Variants in SHROOM2 observed in about 807,000 individuals in gnomAD.
SHROOM2 encodes the protein shroom family member 2.
In SHROOM2, 33 loss-of-function variants were observed where a neutral mutation model predicts 75.9. The observed-to-expected ratio is 0.43, with a 90% confidence interval of 0.33 to 0.58. SHROOM2 has a LOEUF of 0.58. SHROOM2 is among the 20% of genes least tolerant of loss of function. The probability of loss-of-function intolerance (pLI) is 0.04; values close to 1 mark genes in which losing one functional copy is unlikely to be tolerated. For missense variants in SHROOM2, 1,434 were observed against 1,461.2 expected (o/e 0.98, Z 0.30); for synonymous variants, 655 against 663.6 (o/e 0.99, Z 0.20).
intron 1 of SHROOM2, among the ~76,000 whole-genome samples, chrX:9,820,101 C>T (rs1254617887): frequency 1.2e-5 from 1 of 84,492 alleles, no homozygotes; most frequent in East Asian, 3.9e-4. Flanking sequence ...GTGCCTGGCT[C>T]CCTCCACCTT....
chrX:9,896,718 C>T lies in SHROOM2; in HGVS notation c.2790+20C>T. The T allele has an allele frequency of 1.8e-6, 2 of 1,142,265 alleles. No homozygotes were observed. The highest frequency in any genetic ancestry group is 3.2e-5 in the East Asian group (1 of 31,465). The allele number at this position is 1,142,265 out of a possible 1,213,427, so 94.1% of individuals were successfully genotyped here. On this transcript the variant is annotated intron_variant, in intron 4 of 9. Coordinates refer to ENST00000380913, the MANE Select transcript of SHROOM2 (RefSeq NM_001649.4). ...AAGCAGGTAAGCATGGAGCCACAGC[C>T]CCCTTGACCATCATCTTAACCCAAG...
intron 5 of SHROOM2, among the ~76,000 whole-genome samples, chrX:9,901,616 G>A (rs1343235681): frequency 8.9e-6 from 1 of 111,988 alleles, no homozygotes; most frequent in African/African-American, 3.2e-5. Context: ...TGCAACTGAA[G>A]GCTGACAGCT....
chrX:9,841,510 G>A (rs777921879), intron 1 of SHROOM2, among the ~76,000 whole-genome samples: 2 of 111,460 alleles, frequency 1.8e-5, no homozygotes, highest in Non-Finnish European at 3.8e-5. Flanking sequence ...TGGAAGAGGT[G>A]GTAGAATCAC....
In SHROOM2 at chrX:9,946,892, G is replaced by A; in HGVS notation, c.4806G>A (p.Gln1602=). Residue 1602 remains glutamine (Q), a synonymous_variant, in exon 10 of 10, where the codon CAG becomes CAA. Coordinates refer to ENST00000380913, the MANE Select transcript of SHROOM2 (RefSeq NM_001649.4). Reference sequence around the variant, plus strand: ...ATAAAATCCACCTTGGTGAAGAGCAGCTGAAGTGCTTATTGGACAGCCTTC... The same window carrying A: ...ATAAAATCCACCTTGGTGAAGAGCAACTGAAGTGCTTATTGGACAGCCTTC... The part of the protein sequence containing the change: ...LEDKIHLGEE[Q]LKCLLDSLQP... 1.7e-6 allele frequency: 2 copies of A among 1,197,131 alleles called. No homozygotes were observed. Among genetic ancestry groups the A allele is most frequent in the Non-Finnish European group, 2.3e-6 (2 of 887,645 alleles).
intron 6 of SHROOM2, among the ~76,000 whole-genome samples, chrX:9,933,238 C>G (rs1326375313): frequency 9.0e-6 from 1 of 110,676 alleles, no homozygotes; most frequent in Non-Finnish European, 1.9e-5. Context: ...TGATTGGAAT[C>G]GAGTTTAACC....
At chrX:9,933,425 A>G (rs1021778911) in intron 6 of SHROOM2, among the ~76,000 whole-genome samples, 1 of 111,240 alleles carries the variant, frequency 9.0e-6, no homozygotes, top group Non-Finnish European at 1.9e-5. Flanking sequence ...TCAGGCATGG[A>G]ATTATTGCGT....
At chrX:9,797,491 A>G (rs1393184921) in intron 1 of SHROOM2, among the ~76,000 whole-genome samples, 1 of 112,775 alleles carries the variant, frequency 8.9e-6, no homozygotes, top group Non-Finnish European at 1.9e-5. Context: ...ACCCAGCTTT[A>G]AGAGGCGGAA....
intron 5 of SHROOM2, among the ~76,000 whole-genome samples, chrX:9,904,347 C>T (rs2084380265): frequency 9.0e-6 from 1 of 111,214 alleles, no homozygotes; most frequent in African/African-American, 3.3e-5. Flanking sequence ...TAGCAATACT[C>T]TATCTCTACA....
Position 9,896,567 on chromosome X carries a change from C to T in SHROOM2, c.2659C>T (p.Leu887=). The T allele has an allele frequency of 1.7e-6, 2 of 1,210,886 alleles. No individual in the cohort carries two copies. The highest frequency in any genetic ancestry group is 3.5e-5 in the South Asian group (2 of 56,814). ...QASWKEQRKP[L]EARSSGRCHS... ...CTCTTGGAAGGAACAGAGGAAACCT[C>T]TGGAGGCCAGGAGCTCTGGGCGCTG... is the stretch of plus-strand genomic sequence containing the variant. The change falls in exon 4 of 10, where the codon CTG becomes TTG. Residue 887 remains leucine, a synonymous_variant. Coordinates refer to ENST00000380913, the MANE Select transcript of SHROOM2 (RefSeq NM_001649.4).
chrX:9,809,722 G>T (rs1410408780), intron 1 of SHROOM2, among the ~76,000 whole-genome samples: 1 of 112,686 alleles, frequency 8.9e-6, no homozygotes, highest in Non-Finnish European at 1.9e-5. Context: ...AGGCTGGAGT[G>T]CAGTGGCACG....
chrX:9,905,123 G>A (rs2084384804), intron 5 of SHROOM2, among the ~76,000 whole-genome samples: 1 of 112,222 alleles, frequency 8.9e-6, no homozygotes, highest in African/African-American at 3.2e-5. Context: ...TCAGAGTGCT[G>A]GGATTACAAG....
At chrX:9,822,198 G>A (rs1231506766) in intron 1 of SHROOM2, among the ~76,000 whole-genome samples, 1 of 111,385 alleles carries the variant, frequency 9.0e-6, no homozygotes, top group Non-Finnish European at 1.9e-5. Context: ...CCTCTGAGTG[G>A]GTGAACCCCG....
chrX:9,883,297 G>A (rs2084242155), intron 2 of SHROOM2, among the ~76,000 whole-genome samples: 1 of 111,896 alleles, frequency 8.9e-6, no homozygotes, highest in African/African-American at 3.3e-5. Flanking sequence ...AGTTTTGAGA[G>A]GCAGATATAA....
intron 1 of SHROOM2, among the ~76,000 whole-genome samples, chrX:9,808,341 C>T (rs1282939695): frequency 3.0e-5 from 3 of 100,786 alleles, no homozygotes; most frequent in Non-Finnish European, 4.0e-5. Flanking sequence ...CCCAGGAGTT[C>T]GAGACCAGAC....
intron 5 of SHROOM2, among the ~76,000 whole-genome samples, chrX:9,925,382 A>G (rs1264835549): frequency 4.4e-5 from 5 of 113,029 alleles, no homozygotes; most frequent in Non-Finnish European, 3.7e-5. Context: ...ACCAGGCTGA[A>G]GGGCAGACCA....
intron 1 of SHROOM2, among the ~76,000 whole-genome samples, chrX:9,815,205 A>C (rs1275545734): frequency 9.0e-6 from 1 of 111,591 alleles, no homozygotes; most frequent in African/African-American, 3.3e-5. Context: ...TTTATTTTGC[A>C]TAACTCTCTA....
chrX:9,833,155 A>G (rs932325908), intron 1 of SHROOM2, among the ~76,000 whole-genome samples: 3 of 111,912 alleles, frequency 2.7e-5, no homozygotes, highest in Non-Finnish European at 5.6e-5. Flanking sequence ...CCTCAGAGCA[A>G]GCATCCCTGA....
chrX:9,876,936 G>A (rs1273004691), intron 2 of SHROOM2, among the ~76,000 whole-genome samples: 1 of 112,450 alleles, frequency 8.9e-6, no homozygotes, highest in Non-Finnish European at 1.9e-5. Flanking sequence ...AATTACAGGC[G>A]TGAGCCGTCG....
intron 1 of SHROOM2, among the ~76,000 whole-genome samples, chrX:9,851,400 A>AGG (rs1461342418): frequency 9.6e-6 from 1 of 104,002 alleles, no homozygotes; most frequent in Non-Finnish European, 2.0e-5. Flanking sequence ...TGGCAACAGT[A>AGG]CCTTTTTTGT....
Sources: gnomAD v4.1 joint callset for allele counts (sites outside exome capture counted in the v4.1 genomes callset) on GRCh38, gnomAD v4.1.1 for gene constraint, MANE v1.5 for transcripts, NCBI Gene and HGNC (gene_info 2026-07-23, HGNC 2026-07-21) for gene names.